The following SIPA1L1 variants were observed in gnomAD, a reference collection of about 807,000 sequenced individuals.
SIPA1L1 encodes signal induced proliferation associated 1 like 1.
A neutral mutation model predicts 162.7 loss-of-function variants in SIPA1L1; 26 were observed. That is an observed-to-expected ratio of 0.16 (90% CI 0.12 to 0.22). The LOEUF (loss-of-function observed/expected upper bound fraction) is 0.22. SIPA1L1 is among the 10% of genes least tolerant of loss of function. The pLI, the probability that SIPA1L1 is intolerant of heterozygous loss-of-function variation, is 1.00. For synonymous variants in SIPA1L1, 829 were observed against 837.4 expected (o/e 0.99, Z 0.17); for missense variants, 1,874 against 2,241.0 (o/e 0.84, Z 3.31).
At chr14:71,649,316 C>T (rs992081539) in intron 7 of SIPA1L1, among the ~76,000 whole-genome samples, 6 of 151,752 alleles carry the variant, frequency 4.0e-5, no homozygotes, top group Non-Finnish European at 7.4e-5. Context: ...CTCAACCTCC[C>T]GAGTAGCTGG....
chr14:71,457,615 C>T (rs1263152240), intron 2 of SIPA1L1, among the ~76,000 whole-genome samples: 1 of 142,706 alleles, frequency 7.0e-6, no homozygotes, highest in African/African-American at 2.6e-5. Flanking sequence ...TTTTTTTAGA[C>T]GGAATTTCGC....
At chr14:71,729,325 C>T (rs1028140698) in intron 19 of SIPA1L1, among the ~76,000 whole-genome samples, 5 of 152,156 alleles carry the variant, frequency 3.3e-5, no homozygotes, top group South Asian at 2.1e-4. Flanking sequence ...CATGAGCCAC[C>T]GCGCCCAGCC....
intron 2 of SIPA1L1, among the ~76,000 whole-genome samples, chr14:71,350,222 A>G (rs537138473): frequency 1.3e-3 from 175 of 139,874 alleles, no homozygotes; most frequent in African/African-American, 4.3e-3. Flanking sequence ...CCCCGTCTCT[A>G]CTAAACACAC....
intron 2 of SIPA1L1, among the ~76,000 whole-genome samples, chr14:71,445,231 C>A (rs2045250863): frequency 6.6e-6 from 1 of 152,060 alleles, no homozygotes; most frequent in Non-Finnish European, 1.5e-5. Flanking sequence ...TTTGTTCTTT[C>A]AAAATTGTGA....
chr14:71,356,629 G>A (rs1489261849), intron 2 of SIPA1L1, among the ~76,000 whole-genome samples: 1 of 148,756 alleles, frequency 6.7e-6, no homozygotes, highest in Admixed American at 6.8e-5. Context: ...TGAGGCAGGA[G>A]GATCGCTTGA....
chr14:71,474,611 G>A (rs2047707807), intron 2 of SIPA1L1, among the ~76,000 whole-genome samples: 1 of 152,212 alleles, frequency 6.6e-6, no homozygotes, highest in South Asian at 2.1e-4. Context: ...GATTTGTGGA[G>A]TAATCTCAGT....
rs370268915 is a variant in SIPA1L1 at position 71,343,373 on chromosome 14, A to G, written c.-465+22192A>G. Among the ~76,000 whole-genome samples the G allele has an allele frequency of 3.9e-5, 6 of 152,324 alleles. No homozygotes were observed. In the South Asian group the frequency reaches 6.2e-4, roughly 16 times the overall value. On this transcript the variant is annotated intron_variant, in intron 2 of 23. Coordinates refer to ENST00000381232, the MANE Select transcript of SIPA1L1 (RefSeq NM_001386936.1). The stretch of plus-strand genomic sequence containing the variant: ...GGATGAGCTATGTATTTCGTAGATA[A>G]CACTGCAGTTCTGTTCTCAGGATGC...
intron 2 of SIPA1L1, among the ~76,000 whole-genome samples, chr14:71,331,915 A>G (rs1489560338): frequency 6.6e-6 from 1 of 152,236 alleles, no homozygotes; most frequent in Non-Finnish European, 1.5e-5. Context: ...AATTGAAGGC[A>G]AAAGATTGAA....
intron 13 of SIPA1L1, among the ~76,000 whole-genome samples, chr14:71,692,053 C>G (rs1001199291): frequency 6.6e-6 from 1 of 152,178 alleles, no homozygotes; most frequent in African/African-American, 2.4e-5. Context: ...CTACACTTCA[C>G]ATGGTAGTCC....
intron 13 of SIPA1L1, among the ~76,000 whole-genome samples, chr14:71,696,369 T>C (rs1191845920): frequency 2.0e-5 from 3 of 152,254 alleles, no homozygotes; most frequent in Admixed American, 2.0e-4. Flanking sequence ...CACCATCATA[T>C]GTAAGATGGA....
At chr14:71,341,476 C>T (rs752284151) in intron 2 of SIPA1L1, among the ~76,000 whole-genome samples, 2 of 152,172 alleles carry the variant, frequency 1.3e-5, no homozygotes, top group Non-Finnish European at 2.9e-5. Context: ...AGGCTGGAGG[C>T]ATATTAGAAA....
chr14:71,588,142 A>G lies in SIPA1L1; in HGVS notation c.270A>G (p.Ile90Met). 1 of 1,614,188 alleles carries G rather than the reference A, an allele frequency of 6.2e-7. No homozygotes were observed. Among genetic ancestry groups the G allele is most frequent in the Non-Finnish European group, 8.5e-7 (1 of 1,180,000 alleles). ...IADWPPRKEN[I>M]KESSRSSQEI... is the part of the protein sequence containing the mutation. Reference sequence around the variant, plus strand: ...ATTGGCCCCCAAGAAAGGAAAACATAAAAGAATCTAGCCGTTCAAGCCAGG... The same window carrying G: ...ATTGGCCCCCAAGAAAGGAAAACATGAAAGAATCTAGCCGTTCAAGCCAGG... Residue 90 changes from isoleucine (I) to methionine (M), a missense_variant, in exon 5 of 24, where the codon ATA becomes ATG. By Grantham distance (10) the Ile-to-Met change is conservative. Around this residue, in one of 5 missense-constraint regions of SIPA1L1, gnomAD observed 685 missense variants for 828.0 expected, o/e 0.83. Coordinates refer to ENST00000381232, the MANE Select transcript of SIPA1L1 (RefSeq NM_001386936.1). The surrounding 1 kb of genome is among the most constrained non-coding windows in gnomAD (Gnocchi z 4.3).
intron 2 of SIPA1L1, among the ~76,000 whole-genome samples, chr14:71,360,973 A>G (rs1235553290): frequency 6.6e-6 from 1 of 152,202 alleles, no homozygotes. Flanking sequence ...TGGTTTTGGC[A>G]GCAGTTTTTG....
intron 10 of SIPA1L1, among the ~76,000 whole-genome samples, chr14:71,667,361 C>T (rs1216749151): frequency 2.6e-5 from 4 of 152,164 alleles, no homozygotes; most frequent in Admixed American, 1.3e-4. Context: ...CCCTGTACTT[C>T]GCAAGTAGGA....
intron 2 of SIPA1L1, among the ~76,000 whole-genome samples, chr14:71,476,247 A>G (rs2047838252): frequency 6.6e-6 from 1 of 152,192 alleles, no homozygotes; most frequent in African/African-American, 2.4e-5. Flanking sequence ...ATTGTAGTGG[A>G]CAAATTTTGG....
chr14:71,694,139 A>G (rs1340321545), intron 13 of SIPA1L1, among the ~76,000 whole-genome samples: 3 of 152,210 alleles, frequency 2.0e-5, no homozygotes, highest in East Asian at 1.9e-4. Flanking sequence ...ATAAGAATCT[A>G]TTAATGTTGG....
chr14:71,695,143 T>C (rs998766304), intron 13 of SIPA1L1, among the ~76,000 whole-genome samples: 4 of 152,212 alleles, frequency 2.6e-5, no homozygotes, highest in Non-Finnish European at 4.4e-5. Flanking sequence ...ATTTGTGTGA[T>C]AGTATCAAAT....
At chr14:71,735,930 A>G (rs974765787) in intron 22 of SIPA1L1, among the ~76,000 whole-genome samples, 3 of 152,232 alleles carry the variant, frequency 2.0e-5, no homozygotes, top group Non-Finnish European at 2.9e-5. Context: ...TACAACTTCT[A>G]TTTATGCAGA....
At chr14:71,655,988 A>G (rs2043023523) in intron 8 of SIPA1L1, among the ~76,000 whole-genome samples, 6 of 152,142 alleles carry the variant, frequency 3.9e-5, no homozygotes, top group Admixed American at 3.9e-4. Flanking sequence ...GTAAAGTTTA[A>G]TACCTCTATG....
Sources: gnomAD v4.1 joint callset for allele counts (sites outside exome capture counted in the v4.1 genomes callset) on GRCh38, gnomAD v4.1.1 for gene constraint, gnomAD v4.1.1 regional missense constraint, Gnocchi (gnomAD v3.1) non-coding constraint, MANE v1.5 for transcripts, NCBI Gene and HGNC (gene_info 2026-07-23, HGNC 2026-07-21) for gene names.